DIAPH2: variants seen among roughly 807,000 people sequenced by gnomAD.
DIAPH2 encodes protein diaphanous homolog 2.
Under a neutral mutation model 92.7 loss-of-function variants are expected in DIAPH2, and 35 were observed. The ratio of observed to expected loss-of-function variants is 0.38; its 90% CI spans 0.29 to 0.50. DIAPH2 has a LOEUF of 0.50. DIAPH2 is among the 20% of genes least tolerant of loss of function. DIAPH2 has a pLI of 0.94. For missense variants in DIAPH2, 701 were observed against 819.5 expected (o/e 0.86, Z 1.77); for synonymous variants, 301 against 280.4 (o/e 1.07, Z -0.73).
chrX:96,957,013 C>CT (rs1447854278), intron 15 of DIAPH2, among the ~76,000 whole-genome samples: 3 of 111,517 alleles, frequency 2.7e-5, no homozygotes, highest in Non-Finnish European at 3.8e-5. Context: ...GACTGGGTAA[C>CT]TTTTTTTTTA....
At chrX:96,789,956 A>G (rs1206712703) in intron 4 of DIAPH2, among the ~76,000 whole-genome samples, 1 of 111,697 alleles carries the variant, frequency 9.0e-6, no homozygotes, top group African/African-American at 3.3e-5. Flanking sequence ...TTCATAGTGC[A>G]GGACCTAAGA....
At chrX:97,342,362 G>A (rs1218167331) in intron 23 of DIAPH2, among the ~76,000 whole-genome samples, 2 of 111,898 alleles carry the variant, frequency 1.8e-5, no homozygotes, top group East Asian at 5.6e-4. Context: ...CTTAAGAACT[G>A]TATAGCTTAC....
intron 17 of DIAPH2, among the ~76,000 whole-genome samples, chrX:97,028,624 A>G (rs754790469): frequency 1.2e-4 from 14 of 112,374 alleles, no homozygotes; most frequent in Non-Finnish European, 2.4e-4. Context: ...GTTGTAGCAT[A>G]TATCAATACT....
chrX:97,557,391 T>C (rs2071265092), intron 26 of DIAPH2, among the ~76,000 whole-genome samples: 1 of 111,305 alleles, frequency 9.0e-6, no homozygotes, highest in Non-Finnish European at 1.9e-5. Flanking sequence ...ATACAAAAAT[T>C]AGCTGGGTGT....
At chrX:96,737,216 A>G (rs959977686) in intron 2 of DIAPH2, among the ~76,000 whole-genome samples, 2 of 111,995 alleles carry the variant, frequency 1.8e-5, no homozygotes, top group African/African-American at 6.5e-5. Flanking sequence ...AAATACTATG[A>G]TTTATATAAT....
intron 24 of DIAPH2, among the ~76,000 whole-genome samples, chrX:97,356,871 AC>A (rs1373098047): frequency 8.9e-6 from 1 of 111,805 alleles, no homozygotes; most frequent in Non-Finnish European, 1.9e-5. Context: ...AACTAAAAAA[AC>A]AGTTTTTTCT....
At chrX:96,916,603 T>C in intron 8 of DIAPH2, 29 bp downstream of exon 8, 1 of 1,170,476 alleles carries the variant, frequency 8.5e-7, no homozygotes, top group South Asian at 2.0e-5. Context: ...TTATATTTGC[T>C]GCATGGAAAA....
At chrX:96,763,015 C>T in intron 4 of DIAPH2, 7 of 731,839 alleles carry the variant, frequency 9.6e-6, no homozygotes, top group East Asian at 8.7e-5. Context: ...CACTTAACCT[C>T]TGTGAAAAGC....
At chrX:97,324,767 C>G (rs2068935675) in intron 23 of DIAPH2, among the ~76,000 whole-genome samples, 1 of 111,626 alleles carries the variant, frequency 9.0e-6, no homozygotes, top group Non-Finnish European at 1.9e-5. Context: ...CTCTATGAGA[C>G]TGCTGAAAAG....
chrX:97,550,305 G>C (rs1265258405), intron 26 of DIAPH2, among the ~76,000 whole-genome samples: 2 of 112,225 alleles, frequency 1.8e-5, no homozygotes, highest in African/African-American at 6.5e-5. Context: ...GTTACAGTGG[G>C]CCGGGATCCT....
chrX:97,317,567 C>T (rs190835106), intron 23 of DIAPH2, among the ~76,000 whole-genome samples: 291 of 111,998 alleles, frequency 2.6e-3, no homozygotes, highest in Non-Finnish European at 4.6e-3. Context: ...TCAGTGTTAA[C>T]GCCAAACCAT....
At chrX:97,320,220 C>CA (rs1163389592) in intron 23 of DIAPH2, among the ~76,000 whole-genome samples, 1 of 108,697 alleles carries the variant, frequency 9.2e-6, no homozygotes, top group East Asian at 2.9e-4. Context: ...ACTTTGTAAC[C>CA]AAAAAAGCAT....
At chrX:97,427,680 G>GTTTTTGTTTT (rs2070083887) in intron 25 of DIAPH2, among the ~76,000 whole-genome samples, 1 of 108,531 alleles carries the variant, frequency 9.2e-6, no homozygotes, top group South Asian at 4.0e-4. Flanking sequence ...TTTTGTTTTT[G>GTTTTTGTTTT]TTTTTGTTTT....
intron 17 of DIAPH2, among the ~76,000 whole-genome samples, chrX:96,976,995 G>A (rs983206970): frequency 2.7e-5 from 3 of 111,258 alleles, no homozygotes; most frequent in African/African-American, 6.5e-5. Flanking sequence ...TACATATCTA[G>A]TAAGTGGCAA....
chrX:97,314,358 T>G (rs1011712039), intron 23 of DIAPH2, among the ~76,000 whole-genome samples: 1 of 110,734 alleles, frequency 9.0e-6, no homozygotes, highest in African/African-American at 3.3e-5. Context: ...GGCTGCAGTG[T>G]GCTATGATCA....
At chrX:97,398,620 T>C (rs1317485730) in intron 25 of DIAPH2, among the ~76,000 whole-genome samples, 1 of 110,901 alleles carries the variant, frequency 9.0e-6, no homozygotes, top group African/African-American at 3.3e-5. Flanking sequence ...AGGAGCAAGG[T>C]AAACATCTTT....
intron 17 of DIAPH2, among the ~76,000 whole-genome samples, chrX:97,057,063 ACAT>A (rs1192644257): frequency 8.9e-6 from 1 of 112,127 alleles, no homozygotes; most frequent in Non-Finnish European, 1.9e-5. Context: ...ATATATAATA[ACAT>A]CATTGATAAT....
chrX:97,494,340 A>G (rs2070744550), intron 26 of DIAPH2, among the ~76,000 whole-genome samples: 1 of 110,350 alleles, frequency 9.1e-6, no homozygotes, highest in African/African-American at 3.3e-5. Flanking sequence ...AAATACATAC[A>G]TAATTTCTAC....
At chrX:97,322,754 T>G (rs1178441157) in intron 23 of DIAPH2, among the ~76,000 whole-genome samples, 2 of 111,196 alleles carry the variant, frequency 1.8e-5, no homozygotes, top group Non-Finnish European at 3.8e-5. Context: ...GGATTAGAGA[T>G]AGTGCTTTGA....
Sources: allele counts gnomAD v4.1 joint callset (sites outside exome capture counted in the v4.1 genomes callset), GRCh38; gene constraint gnomAD v4.1.1; transcripts MANE v1.5; gene names NCBI Gene and HGNC (gene_info 2026-07-23, HGNC 2026-07-21).